CSMD3: variants seen among roughly 807,000 people sequenced by gnomAD.
The protein encoded by CSMD3 is CUB and sushi domain-containing protein 3.
CSMD3 carries 177 observed loss-of-function variants against 435.2 expected under a neutral mutation model. The observed-to-expected ratio is 0.41, with a 90% CI of 0.36 to 0.46. The LOEUF is 0.46. Among genes scored for constraint, CSMD3 ranks in the 20% least tolerant of loss-of-function variants. The probability of loss-of-function intolerance (pLI) is 0.34; values close to 1 mark genes in which losing one functional copy is unlikely to be tolerated. For synonymous variants in CSMD3, 1,656 were observed against 1,520.5 expected, an observed-to-expected ratio of 1.09 and a Z score of -2.07; for missense variants, 4,265 against 4,504.6, an observed-to-expected ratio of 0.95 and a Z score of 1.52.
chr8:112,793,942 C>CAAAAG lies in CSMD3; in HGVS notation c.1972+6219_1972+6220insCTTTT, dbSNP rs1159567740. On this transcript the variant is annotated intron_variant, in intron 13 of 70. Coordinates refer to ENST00000297405, the MANE Select transcript of CSMD3 (RefSeq NM_198123.2). ...CTGTGTTGAAATAATTAAACAAAGA[C>CAAAAG]ATAACAAATGTGTTTATCAGGGTTC... Among the ~76,000 whole-genome samples, 15 of 152,192 alleles carry CAAAAG rather than the reference C, an allele frequency of 9.9e-5. No homozygotes were observed. The East Asian group carries it at 2.9e-3, about 29-fold the overall frequency.
intron 27 of CSMD3, among the ~76,000 whole-genome samples, chr8:112,528,756 G>A (rs1209151445): frequency 1.3e-5 from 2 of 152,036 alleles, no homozygotes; most frequent in Admixed American, 6.6e-5. Context: ...ACACCCTCTC[G>A]CCAGACTCCT....
Position 113,334,292 on chromosome 8 carries a change from TTTTC to T in CSMD3, c.179-19503_179-19500del, listed in dbSNP as rs1397636793. 5.4e-3 allele frequency among the ~76,000 whole-genome samples: 502 copies of T among 93,570 alleles called. 2 individuals are homozygous for T. The highest frequency in any genetic ancestry group is 0.015 in the African/African-American group (484 of 31,806). The allele number at this position is 93,570 out of a possible 152,430, so 61.4% of individuals were successfully genotyped here. A position where few individuals can be genotyped will look rare whatever the true frequency, so the allele number is the denominator to read the frequency against. On this transcript the variant is annotated intron_variant, in intron 1 of 70. Coordinates refer to ENST00000297405, the MANE Select transcript of CSMD3 (RefSeq NM_198123.2). ...GATAGTTTAAGTTTTTTTTTTTTTT[TTTTC>T]ATTTCCAGCCTGTGTACCTGTTACA...
chr8:112,285,379 C>T (rs772571715), intron 58 of CSMD3, among the ~76,000 whole-genome samples: 1 of 152,032 alleles, frequency 6.6e-6, no homozygotes, highest in Non-Finnish European at 1.5e-5. Flanking sequence ...TTTTCCAAGT[C>T]TTTTCCCTAT....
In CSMD3 at chr8:113,244,377, G is replaced by A. The variant is rs146056890; in HGVS notation, c.514+34215C>T. ...GTTGCCCAGGCTGGAGTGCAGTGGCGTGATCTTTGCTCACTGCTACCTCTG... is the reference window on the plus strand; with the variant it reads ...GTTGCCCAGGCTGGAGTGCAGTGGCATGATCTTTGCTCACTGCTACCTCTG... On this transcript the variant is annotated intron_variant, in intron 3 of 70. Coordinates refer to ENST00000297405, the MANE Select transcript of CSMD3 (RefSeq NM_198123.2). 4.7e-3 allele frequency among the ~76,000 whole-genome samples: 722 copies of A among 152,268 alleles called. 16 individuals are homozygous for A. In the East Asian group the frequency reaches 0.071, roughly 15 times the overall value.
intron 45 of CSMD3, among the ~76,000 whole-genome samples, chr8:112,326,208 T>C (rs1399804891): frequency 6.6e-6 from 1 of 152,188 alleles, no homozygotes. Flanking sequence ...GCAGATGTTT[T>C]GTAATTGAAG....
intron 16 of CSMD3, among the ~76,000 whole-genome samples, chr8:112,674,717 G>A (rs1451376599): frequency 6.6e-6 from 1 of 152,088 alleles, no homozygotes; most frequent in African/African-American, 2.4e-5. Context: ...AGGCATAGAA[G>A]GTAGATCAGC....
chr8:113,281,614 CA>C (rs951632115), intron 2 of CSMD3, among the ~76,000 whole-genome samples: 3 of 151,770 alleles, frequency 2.0e-5, no homozygotes, highest in Admixed American at 1.3e-4. Flanking sequence ...ACTCATTCTG[CA>C]GTTATGTATC....
intron 11 of CSMD3, among the ~76,000 whole-genome samples, chr8:112,836,158 G>A (rs1192680416): frequency 6.6e-6 from 1 of 151,766 alleles, no homozygotes; most frequent in Non-Finnish European, 1.5e-5. Context: ...TGCAGTAAAT[G>A]GATGAAATTT....
intron 3 of CSMD3, among the ~76,000 whole-genome samples, chr8:113,264,748 C>T (rs966306536): frequency 5.3e-5 from 8 of 151,446 alleles, no homozygotes; most frequent in Non-Finnish European, 1.2e-4. Flanking sequence ...TTTCCCTAAA[C>T]CTTAATTATT....
intron 6 of CSMD3, among the ~76,000 whole-genome samples, chr8:112,985,447 A>T (rs2085221170): frequency 6.6e-6 from 1 of 152,078 alleles, no homozygotes; most frequent in Non-Finnish European, 1.5e-5. Context: ...GACATAAAGC[A>T]TGAGACTGAT....
At chr8:112,475,530 C>T (rs1818956814) in intron 31 of CSMD3, among the ~76,000 whole-genome samples, 1 of 151,970 alleles carries the variant, frequency 6.6e-6, no homozygotes, top group Admixed American at 6.6e-5. Context: ...GATAATTATG[C>T]AGTGTGTTAT....
intron 3 of CSMD3, among the ~76,000 whole-genome samples, chr8:113,220,557 T>G (rs1262663305): frequency 2.0e-5 from 3 of 151,472 alleles, no homozygotes; most frequent in African/African-American, 7.3e-5. Context: ...TGATCATTTA[T>G]AAATAACAAC....
chr8:113,434,827 G>C (rs1365601986), intron 1 of CSMD3, among the ~76,000 whole-genome samples: 1 of 152,130 alleles, frequency 6.6e-6, no homozygotes, highest in Non-Finnish European at 1.5e-5. Flanking sequence ...CAGGCGGCGC[G>C]GATCAGCGTT....
At chr8:112,349,463 A>G (rs988628721) in intron 40 of CSMD3, among the ~76,000 whole-genome samples, 8 of 152,116 alleles carry the variant, frequency 5.3e-5, no homozygotes, top group Non-Finnish European at 1.0e-4. Flanking sequence ...GGCACTAGCA[A>G]TATGGTAATG....
intron 11 of CSMD3, among the ~76,000 whole-genome samples, chr8:112,840,649 C>CA (rs2080153351): frequency 1.3e-5 from 2 of 151,568 alleles, no homozygotes; most frequent in South Asian, 4.1e-4. Flanking sequence ...ATCTGTATTT[C>CA]ACTGCAACCT....
At chr8:112,676,858 T>G (rs1186440799) in intron 16 of CSMD3, among the ~76,000 whole-genome samples, 1 of 152,120 alleles carries the variant, frequency 6.6e-6, no homozygotes, top group Non-Finnish European at 1.5e-5. Flanking sequence ...CTGGTATCCC[T>G]TTCAAGTTCT....
chr8:112,693,060 A>G (rs2076173268), intron 13 of CSMD3, among the ~76,000 whole-genome samples: 1 of 152,024 alleles, frequency 6.6e-6, no homozygotes, highest in Non-Finnish European at 1.5e-5. Flanking sequence ...ATCCTTATGA[A>G]CAAGGGGGGA....
intron 23 of CSMD3, 148 bp downstream of exon 23, chr8:112,586,918 T>C: frequency 2.2e-6 from 1 of 460,056 alleles, no homozygotes; most frequent in Non-Finnish European, 3.8e-6. Context: ...TGAGAATTAA[T>C]GTATAATTTG....
chr8:113,323,852 C>T (rs946067168), intron 1 of CSMD3, among the ~76,000 whole-genome samples: 2 of 152,156 alleles, frequency 1.3e-5, no homozygotes. Flanking sequence ...TATGTATGTT[C>T]CTCCAAAAGT....
Sources: gnomAD v4.1 joint callset for allele counts (sites outside exome capture counted in the v4.1 genomes callset) on GRCh38, gnomAD v4.1.1 for gene constraint, MANE v1.5 for transcripts, NCBI Gene and HGNC (gene_info 2026-07-23, HGNC 2026-07-21) for gene names.